ZMYM2: variants seen among roughly 807,000 people sequenced by gnomAD.
The protein encoded by ZMYM2 is zinc finger MYM-type containing 2, also known as zinc finger MYM-type protein 2.
ZMYM2 carries 56 observed loss-of-function variants against 162.8 expected under a neutral mutation model. The ratio of observed to expected loss-of-function variants is 0.34; its 90% CI spans 0.28 to 0.43. The LOEUF is 0.43. Among genes scored for constraint, ZMYM2 ranks in the 20% least tolerant of loss-of-function variants. The pLI is 1.00. For missense variants in ZMYM2, 1,275 were observed against 1,621.8 expected (o/e 0.79, Z 3.67); for synonymous variants, 510 against 541.6 (o/e 0.94, Z 0.81).
At chr13:19,988,420 C>G (rs1949347674) in intron 2 of ZMYM2, among the ~76,000 whole-genome samples, 1 of 152,140 alleles carries the variant, frequency 6.6e-6, no homozygotes, top group Admixed American at 6.6e-5. Flanking sequence ...GATCTTTCCT[C>G]AAATATTTGG....
intron 6 of ZMYM2, among the ~76,000 whole-genome samples, chr13:20,011,585 T>G (rs541046675): frequency 1.3e-5 from 2 of 150,896 alleles, no homozygotes; most frequent in African/African-American, 2.4e-5. Context: ...TTTATTTTTT[T>G]TTTTTTTGAG....
At chr13:19,913,053 G>A in the ZMYM2 span, among the ~76,000 whole-genome samples, 1 of 152,188 alleles carries the variant, frequency 6.6e-6, no homozygotes, top group African/African-American at 2.4e-5. Context: ...GTCTGTAACA[G>A]GTCAAAGCTG....
At chr13:19,956,402 T>A (rs535968824), upstream of ZMYM2, among the ~76,000 whole-genome samples, 69 of 152,376 alleles carry the variant, frequency 4.5e-4, no homozygotes, top group African/African-American at 1.5e-3. Flanking sequence ...GATGGACATT[T>A]CAGGGATGTT....
At chr13:19,966,630 G>A (rs1184732952) in intron 2 of ZMYM2, among the ~76,000 whole-genome samples, 1 of 151,590 alleles carries the variant, frequency 6.6e-6, no homozygotes, top group Non-Finnish European at 1.5e-5. Context: ...TAGTATAGAC[G>A]GGGTTTCTCC....
chr13:19,986,374 A>C (rs540020729), intron 2 of ZMYM2, among the ~76,000 whole-genome samples: 60 of 151,428 alleles, frequency 4.0e-4, no homozygotes, highest in South Asian at 1.2e-3. Context: ...ACAAAAACAA[A>C]AAAAAAAAGA....
At chr13:19,915,415 T>TTCTTTCTTTCTTTCTTTCTTTCTTTCTC in the ZMYM2 span, among the ~76,000 whole-genome samples, 1 of 148,280 alleles carries the variant, frequency 6.7e-6, no homozygotes, top group Non-Finnish European at 1.5e-5. Flanking sequence ...CTTGCTTGCT[T>TTCTTTCTTTCTTTCTTTCTTTCTTTCTC]TTTCTTTCTT....
At chr13:19,935,411 A>G in the ZMYM2 span, among the ~76,000 whole-genome samples, 3 of 152,214 alleles carry the variant, frequency 2.0e-5, no homozygotes, top group African/African-American at 7.2e-5. Flanking sequence ...TGTTGGGATT[A>G]CAGGCGTGAG....
intron 7 of ZMYM2, among the ~76,000 whole-genome samples, chr13:20,020,355 C>T (rs1171865384): frequency 6.6e-6 from 1 of 151,994 alleles, no homozygotes; most frequent in African/African-American, 2.4e-5. Flanking sequence ...CTGCCTCAGC[C>T]TCCCAAGTAG....
chr13:20,062,601 G>GA (rs1213268257), intron 17 of ZMYM2, among the ~76,000 whole-genome samples: 10 of 152,278 alleles, frequency 6.6e-5, no homozygotes, highest in African/African-American at 2.4e-4. Context: ...ATTAGCTTTT[G>GA]AAGGGAGTCC....
the ZMYM2 span, among the ~76,000 whole-genome samples, chr13:19,947,210 G>A: frequency 2.0e-5 from 3 of 151,818 alleles, no homozygotes; most frequent in Non-Finnish European, 4.4e-5. Flanking sequence ...AGAGGTGCCC[G>A]CCACCACGCC....
intron 6 of ZMYM2, among the ~76,000 whole-genome samples, chr13:20,007,846 C>T (rs1950869657): frequency 1.3e-5 from 2 of 152,052 alleles, no homozygotes; most frequent in Non-Finnish European, 2.9e-5. Flanking sequence ...GTCTCACACT[C>T]CTGAGCTCAA....
chr13:19,869,399 G>T, the ZMYM2 span, among the ~76,000 whole-genome samples: 1 of 152,030 alleles, frequency 6.6e-6, no homozygotes, highest in African/African-American at 2.4e-5. Flanking sequence ...ATATTCTGAC[G>T]TTCTTATATT....
intron 2 of ZMYM2, among the ~76,000 whole-genome samples, chr13:19,965,669 T>C (rs1228765422): frequency 1.3e-5 from 2 of 152,188 alleles, no homozygotes; most frequent in Admixed American, 6.5e-5. Context: ...GAAAATTTTA[T>C]TTTATCCTCC....
At chr13:19,975,902 A>ATGTATGTG (rs1174908741) in intron 2 of ZMYM2, among the ~76,000 whole-genome samples, 3 of 149,306 alleles carry the variant, frequency 2.0e-5, no homozygotes, top group African/African-American at 7.5e-5. Context: ...GTATGTATGT[A>ATGTATGTG]TGTAGAGCTG....
chr13:20,067,990 C>G (rs1386687603), intron 21 of ZMYM2: 1 of 163,970 alleles, frequency 6.1e-6, no homozygotes, highest in Non-Finnish European at 1.3e-5. Flanking sequence ...CCTAAAAATT[C>G]ATTTTATTCT....
the ZMYM2 span, among the ~76,000 whole-genome samples, chr13:19,907,469 A>G: frequency 6.6e-6 from 1 of 152,126 alleles, no homozygotes; most frequent in Non-Finnish European, 1.5e-5. Flanking sequence ...TGAACCAAAA[A>G]CTGCTCTAAA....
chr13:19,971,244 G>GTGTGTGTATATATATATA (rs5802035), intron 2 of ZMYM2, among the ~76,000 whole-genome samples: 3 of 50,130 alleles, frequency 6.0e-5, no homozygotes, highest in African/African-American at 1.3e-4. Flanking sequence ...GTGTGTGTGT[G>GTGTGTGTATATATATATA]TATATATATA....
At chr13:20,055,978 T>C (rs771612240) in intron 14 of ZMYM2, among the ~76,000 whole-genome samples, 1 of 152,146 alleles carries the variant, frequency 6.6e-6, no homozygotes, top group African/African-American at 2.4e-5. Flanking sequence ...TATGGAAGAA[T>C]ACCTACGAAG....
intron 17 of ZMYM2, among the ~76,000 whole-genome samples, chr13:20,061,690 G>A (rs1956247484): frequency 6.6e-6 from 1 of 151,994 alleles, no homozygotes; most frequent in African/African-American, 2.4e-5. Context: ...CTGGGTTCAA[G>A]CTATGCTTCT....
Sources: allele counts gnomAD v4.1 joint callset (sites outside exome capture counted in the v4.1 genomes callset), GRCh38; gene constraint gnomAD v4.1.1; transcripts MANE v1.5; gene names NCBI Gene and HGNC (gene_info 2026-07-23, HGNC 2026-07-21).